ANKS3: variants seen among roughly 807,000 people sequenced by gnomAD.
ANKS3 encodes the protein ankyrin repeat and sterile alpha motif domain containing 3, also known as ankyrin repeat and SAM domain-containing protein 3.
A neutral mutation model predicts 80.7 loss-of-function variants in ANKS3; 62 were observed. The observed-to-expected ratio is 0.77, with a 90% CI of 0.63 to 0.95. The LOEUF (loss-of-function observed/expected upper bound fraction) is 0.95. Among genes scored for constraint, ANKS3 ranks in the 40% least tolerant of loss-of-function variants. The pLI, the probability that ANKS3 is intolerant of heterozygous loss-of-function variation, is 0.00. For missense variants in ANKS3, 1,150 were observed against 883.6 expected (o/e 1.30, Z -3.82); for synonymous variants, 489 against 355.3 (o/e 1.38, Z -4.23).
intron 8 of ANKS3, 40 bp downstream of exon 8, chr16:4,705,055 T>C (rs765773002): frequency 1.2e-6 from 2 of 1,602,766 alleles, no homozygotes; most frequent in Non-Finnish European, 8.5e-7. Context: ...AATCCTGGTA[T>C]GCAATGAGAA....
chr16:4,724,249 GATAAGATGTCT>G (rs552742371), intron 6 of ANKS3, among the ~76,000 whole-genome samples: 312 of 152,282 alleles, frequency 2.0e-3, no homozygotes, highest in African/African-American at 7.2e-3. Context: ...ACTGTACAAA[GATAAGATGTCT>G]ATAAGATGTC....
At chr16:4,698,757 AC>A in intron 13 of ANKS3, 42 bp downstream of exon 13, 1 of 1,564,748 alleles carries the variant, frequency 6.4e-7, no homozygotes, top group Non-Finnish European at 8.6e-7. Context: ...GAGCCAACTC[AC>A]GGGTGTCACC....
rs757612903 is a variant in ANKS3, at chr16:4,698,510, G to A, written c.1641C>T (p.Asp547=). The A allele has an allele frequency of 1.9e-6, 3 of 1,564,770 alleles. No homozygotes were observed. The highest frequency in any genetic ancestry group is 3.6e-5 in the Admixed American group (2 of 55,228). The change falls in exon 14 of 18, where the codon GAC becomes GAT. Residue 547 remains aspartate, a synonymous_variant. Coordinates refer to ENST00000304283, the MANE Select transcript of ANKS3 (RefSeq NM_133450.4). ...GGGCCTGGAGGTCCTCGCGGGCGCG[G>A]TCCTGCTCCAGCAGGCAGCTCTCCA... The part of the protein sequence containing the change: ...AVVESCLLEQ[D]RAREDLQARL...
intron 3 of ANKS3, chr16:4,729,748 T>G (rs1315336221): frequency 2.7e-6 from 1 of 364,610 alleles, no homozygotes; most frequent in African/African-American, 2.1e-5. Flanking sequence ...AAAGAATGAC[T>G]GTTTATAAGC....
In ANKS3 at chr16:4,697,004, G is replaced by A. The variant is rs750283695; in HGVS notation, c.*11+13C>T. ...GCTCCCACCACGCGGGATCCAGGCT[G>A]GCAGACACTCACCGGCCCGCAGGCT... On this transcript the variant is annotated intron_variant, in intron 17 of 17. Coordinates refer to ENST00000304283, the MANE Select transcript of ANKS3 (RefSeq NM_133450.4). The A allele has an allele frequency of 5.0e-6, 8 of 1,611,188 alleles. No individual in the cohort carries two copies. In the South Asian group the frequency reaches 7.7e-5, roughly 16 times the overall value.
intron 3 of ANKS3, chr16:4,729,463 C>G (rs1356674193): frequency 1.3e-5 from 2 of 152,250 alleles, no homozygotes; most frequent in African/African-American, 2.4e-5. Flanking sequence ...CGGGTTCAAG[C>G]GATTCTCCTG....
At chr16:4,705,934 TTTTTC>T (rs1234426917) in intron 7 of ANKS3, among the ~76,000 whole-genome samples, 1 of 151,860 alleles carries the variant, frequency 6.6e-6, no homozygotes, top group African/African-American at 2.4e-5. Flanking sequence ...AACTTTTTTT[TTTTTC>T]TTTTGAGAAG....
intron 2 of ANKS3, among the ~76,000 whole-genome samples, chr16:4,730,538 T>C (rs1298926751): frequency 6.6e-6 from 1 of 152,042 alleles, no homozygotes; most frequent in Admixed American, 6.6e-5. Context: ...TTCCTTGATG[T>C]GGTGGGGAAG....
rs866382359 is a variant in ANKS3 at position 4,705,306 on chromosome 16, C to T, written c.710-53G>A. On this transcript the variant is annotated intron_variant, in intron 7 of 17. Coordinates refer to ENST00000304283, the MANE Select transcript of ANKS3 (RefSeq NM_133450.4). ...GTGTGTTCAGTAATGGACTCATTTA[C>T]TAATCCTTACGGCAAACTGAAAGAA... is the stretch of plus-strand genomic sequence containing the variant. The T allele has an allele frequency of 1.4e-5, 22 of 1,577,022 alleles. 1 individual carries two copies. The Middle Eastern group carries it at 1.8e-3, about 127-fold the overall frequency.
rs1047884887 is a variant in ANKS3, at chr16:4,727,600, C to T, written c.171-423G>A. ...GCCCCCACAGCAAAGAATGATCCAGCCTGGATTGTCAACACAGCCACAGTT... is the reference window on the plus strand; with the variant it reads ...GCCCCCACAGCAAAGAATGATCCAGTCTGGATTGTCAACACAGCCACAGTT... On this transcript the variant is annotated intron_variant, in intron 3 of 17. Coordinates refer to ENST00000304283, the MANE Select transcript of ANKS3 (RefSeq NM_133450.4). The T allele has an allele frequency of 5.0e-5, 12 of 241,060 alleles. No individual in the cohort carries two copies. In the East Asian group the frequency reaches 9.4e-4, roughly 19 times the overall value. The allele number at this position is 241,060 out of a possible 1,614,324, so 14.9% of individuals were successfully genotyped here.
At chr16:4,706,629 C>A (rs768231143) in intron 7 of ANKS3, among the ~76,000 whole-genome samples, 2 of 152,164 alleles carry the variant, frequency 1.3e-5, no homozygotes, top group African/African-American at 2.4e-5. Context: ...GAGCTCAAAC[C>A]AGAGCTTTTA....
Position 4,697,414 on chromosome 16 carries a change from A to G in ANKS3, c.1813T>C (p.Ser605Pro), listed in dbSNP as rs2079624220. The change falls in exon 16 of 18, where the codon TCC (serine) becomes CCC (proline). Residue 605 changes from serine (S) to proline (P), a missense_variant and splice_region_variant. Coordinates refer to ENST00000304283, the MANE Select transcript of ANKS3 (RefSeq NM_133450.4). The part of the protein sequence containing the change: ...TLGLAVPPAD[S>P]KGWQASLQAM... ...TGCAGGGACGCTTGCCAGCCCTTGG[A>G]GTCTGTGGTGCAGGTGCAGGGACCG... The G allele has an allele frequency of 6.2e-7, 1 of 1,603,734 alleles. No homozygotes were observed. The highest frequency in any genetic ancestry group is 1.7e-5 in the Admixed American group (1 of 59,222).
chr16:4,733,908 G>A, intron 1 of ANKS3, 30 bp downstream of exon 1: 1 of 985,398 alleles, frequency 1.0e-6, no homozygotes, highest in Non-Finnish European at 1.2e-6. Context: ...GCCCCGGGGC[G>A]GGTCCCTGGC....
intron 10 of ANKS3, 130 bp from the exon 11 acceptor site, chr16:4,701,264 T>A: frequency 6.8e-7 from 1 of 1,463,174 alleles, no homozygotes; most frequent in Non-Finnish European, 9.3e-7. Context: ...GGGCTTCCGG[T>A]GCGTTCGCTG....
chr16:4,708,717 G>A (rs955801013), intron 7 of ANKS3, among the ~76,000 whole-genome samples: 8 of 151,674 alleles, frequency 5.3e-5, no homozygotes, highest in Admixed American at 3.9e-4. Flanking sequence ...GGCAGATCAC[G>A]AGGTGAGGAG....
intron 5 of ANKS3, 71 bp from the exon 6 acceptor site, chr16:4,724,902 G>T: frequency 7.1e-7 from 1 of 1,407,036 alleles, no homozygotes; most frequent in Non-Finnish European, 1.0e-6. Flanking sequence ...CCCTGCTGAA[G>T]ATAAACCCTG....
At chr16:4,728,440 G>C (rs2081466708) in intron 3 of ANKS3, among the ~76,000 whole-genome samples, 1 of 152,132 alleles carries the variant, frequency 6.6e-6, no homozygotes, top group African/African-American at 2.4e-5. Flanking sequence ...ATTCCAGAAG[G>C]TCCTGATACC....
At chr16:4,726,052 T>C (rs1214781968) in intron 5 of ANKS3, among the ~76,000 whole-genome samples, 1 of 150,792 alleles carries the variant, frequency 6.6e-6, no homozygotes, top group Non-Finnish European at 1.5e-5. Flanking sequence ...CTCGGCTCAC[T>C]GCAAGCTCCA....
intron 5 of ANKS3, 68 bp downstream of exon 5, chr16:4,726,591 G>C: frequency 1.3e-6 from 2 of 1,561,320 alleles, no homozygotes; most frequent in South Asian, 2.3e-5. Flanking sequence ...GCTGCCTCCA[G>C]AGCCACCCTC....
Sources: gnomAD v4.1 joint callset for allele counts (sites outside exome capture counted in the v4.1 genomes callset) on GRCh38, gnomAD v4.1.1 for gene constraint, MANE v1.5 for transcripts, NCBI Gene and HGNC (gene_info 2026-07-23, HGNC 2026-07-21) for gene names.